The following SUCO variants were observed in gnomAD, a reference collection of about 807,000 sequenced individuals.
SUCO encodes SUN domain containing ossification factor.
In SUCO, 57 loss-of-function variants were observed where a neutral mutation model predicts 148.1. The observed-to-expected ratio is 0.38, with a 90% CI of 0.31 to 0.48. SUCO has a LOEUF of 0.48. Ranked by LOEUF, SUCO falls within the 20% of genes least tolerant of loss-of-function variation. SUCO has a pLI of 0.96. For missense variants in SUCO, 1,331 were observed against 1,468.2 expected, an observed-to-expected ratio of 0.91 and a Z score of 1.53; for synonymous variants, 470 against 502.7, an observed-to-expected ratio of 0.93 and a Z score of 0.87.
chr1:172,532,938 G>T, upstream of SUCO: 2 of 1,359,340 alleles, frequency 1.5e-6, no homozygotes, highest in Non-Finnish European at 1.9e-6. Context: ...TCCTGCCTCC[G>T]GCTTCTCCGC....
chr1:172,532,591 C>G, upstream of SUCO: 2 of 1,613,988 alleles, frequency 1.2e-6, no homozygotes, highest in Non-Finnish European at 1.7e-6. Context: ...ACACGTCATT[C>G]TAGGCCATTC....
chr1:172,590,726 T>G (rs538039235), intron 18 of SUCO, among the ~76,000 whole-genome samples: 3 of 152,194 alleles, frequency 2.0e-5, no homozygotes, highest in South Asian at 4.1e-4. Flanking sequence ...GTGTGTGTGT[T>G]CATGTGTAAC....
intron 1 of SUCO, among the ~76,000 whole-genome samples, chr1:172,546,241 T>C (rs1652846728): frequency 6.6e-6 from 1 of 152,182 alleles, no homozygotes; most frequent in Non-Finnish European, 1.5e-5. Context: ...CTGAAGCTCA[T>C]AAGTTGCCCA....
At chr1:172,599,338 T>A (rs1657347918) in intron 19 of SUCO, 1 of 445,932 alleles carries the variant, frequency 2.2e-6, no homozygotes, top group African/African-American at 2.1e-5. Context: ...CAAAAAAAAA[T>A]AAAAGTTGAA....
At chr1:172,533,555 C>A in intron 1 of SUCO, 58 bp downstream of exon 1, 1 of 1,469,510 alleles carries the variant, frequency 6.8e-7, no homozygotes. Flanking sequence ...GAGGGAGCAG[C>A]CCAGGTCACA....
chr1:172,578,629 A>C (rs1655640915), intron 14 of SUCO: 1 of 749,718 alleles, frequency 1.3e-6, no homozygotes, highest in Non-Finnish European at 1.6e-6. Flanking sequence ...CCCTTCTATA[A>C]CATTAATGGT....
intron 9 of SUCO, among the ~76,000 whole-genome samples, chr1:172,571,273 C>T (rs1244338205): frequency 2.0e-5 from 3 of 152,236 alleles, no homozygotes; most frequent in African/African-American, 7.2e-5. Context: ...GTTGGCCGGG[C>T]TGGTCTCCAG....
At chr1:172,568,474 A>G (rs532628208) in intron 6 of SUCO, 63 of 957,770 alleles carry the variant, frequency 6.6e-5, no homozygotes, top group Middle Eastern at 5.3e-4. Context: ...TGATTTATGC[A>G]TTCTGCATCT....
At chr1:172,543,127 C>A (rs1652609159) in intron 1 of SUCO, 2 of 474,044 alleles carry the variant, frequency 4.2e-6, no homozygotes, top group Non-Finnish European at 5.5e-6. Context: ...GTCTTACATG[C>A]AGCTTTGATT....
chr1:172,573,969 T>G lies in SUCO; in HGVS notation c.1128T>G (p.Pro376=), dbSNP rs755284341. 1.6e-5 allele frequency: 26 copies of G among 1,593,708 alleles called. No individual in the cohort carries two copies. In the South Asian group the frequency reaches 2.9e-4, roughly 18 times the overall value. ...ATTATGAATTATTTTCTTCTACTCC[T>G]AAAGATTTTCTGGTTTCTATCAGTG... ...IANYELFSST[P]KDFLVSISDR... Residue 376 remains proline (P), a synonymous_variant, in exon 10 of 24, where the codon CCT becomes CCG. Transcript: ENST00000263688.
rs73034056 is a variant in SUCO, at chr1:172,600,200, A to G, written c.3018+32A>G. The G allele has an allele frequency of 7.9e-4, 1,130 of 1,431,366 alleles. 3 individuals carry two copies. Among genetic ancestry groups the G allele is most frequent in the African/African-American group, 6.7e-3 (477 of 71,118 alleles). 88.7% of individuals were successfully genotyped at this position (1,431,366 alleles called of 1,614,324 possible). Reference sequence around the variant, plus strand: ...GTTATTGCTGGTATTGCGAGACCCAATGCATGTATAGAGGTTGTCATAAAG... The same window carrying G: ...GTTATTGCTGGTATTGCGAGACCCAGTGCATGTATAGAGGTTGTCATAAAG... On this transcript the variant is annotated intron_variant, in intron 20 of 23. Coordinates refer to ENST00000263688, the MANE Select transcript of SUCO (RefSeq NM_014283.5).
At chr1:172,585,783 ATTTG>A (rs1656195776) in intron 16 of SUCO, 71 bp from the exon 17 acceptor site, 3 of 1,040,796 alleles carry the variant, frequency 2.9e-6, no homozygotes, top group Admixed American at 5.3e-5. Context: ...CTTCCAAGAA[ATTTG>A]TTTTAGTAAA....
Position 172,577,521 on chromosome 1 carries a change from T to A in SUCO, c.1264-18T>A. 1.2e-6 allele frequency: 2 copies of A among 1,608,228 alleles called. No homozygotes were observed. The highest frequency in any genetic ancestry group is 1.7e-6 in the Non-Finnish European group (2 of 1,178,044). On this transcript the variant is annotated intron_variant, in intron 11 of 23. Coordinates refer to ENST00000263688, the MANE Select transcript of SUCO (RefSeq NM_014283.5). ...CTTTGGAACTGATTTCTTTTTCTTT[T>A]CCTTTCTCTTGCTTCAGATGTTCAT...
Position 172,533,163 on chromosome 1 carries a change from G to T in SUCO, c.-273G>T. ...GGCGGGGAGGATATGGGGCGGCAGT[G>T]GCGGCTGCAGGAGGCGGGCGTGGAC... On this transcript the variant is annotated 5_prime_UTR_variant, in exon 1 of 24. Coordinates refer to ENST00000263688, the MANE Select transcript of SUCO (RefSeq NM_014283.5). 1 of 1,470,918 alleles carries T rather than the reference G, an allele frequency of 6.8e-7. No individual in the cohort carries two copies. The highest frequency in any genetic ancestry group is 1.4e-5 in the South Asian group (1 of 73,440). 91.1% of individuals were successfully genotyped at this position (1,470,918 alleles called of 1,614,324 possible).
rs1336183485 is a variant in SUCO at position 172,538,461 on chromosome 1, T to G, written c.62+4964T>G. ...CAATATATAAGCTGTTTTTTCTTTT[T>G]TGAGGTGATGAATAGAGCATATTGG... On this transcript the variant is annotated intron_variant, in intron 1 of 23. Coordinates refer to ENST00000263688, the MANE Select transcript of SUCO (RefSeq NM_014283.5). 2.6e-5 allele frequency among the ~76,000 whole-genome samples: 4 copies of G among 152,180 alleles called. No homozygotes were observed. In the East Asian group the frequency reaches 7.7e-4, roughly 29 times the overall value.
intron 23 of SUCO, 52 bp downstream of exon 23, chr1:172,608,854 GAAGAA>G: frequency 8.1e-7 from 1 of 1,238,388 alleles, no homozygotes; most frequent in Non-Finnish European, 1.2e-6. Flanking sequence ...GATAATAAAT[GAAGAA>G]AAGAGGTTGA....
chr1:172,541,326 A>G lies in SUCO; in HGVS notation c.62+7829A>G, dbSNP rs1652439291. Among the ~76,000 whole-genome samples, 3 of 152,204 alleles carry G rather than the reference A, an allele frequency of 2.0e-5. No homozygotes were observed. The South Asian group carries it at 6.2e-4, about 32-fold the overall frequency. ...TTTAAATCATCTCTAGATATTTTAA[A>G]TCACCTCTAGATATTTATATGGGAG... is the stretch of plus-strand genomic sequence containing the variant. On this transcript the variant is annotated intron_variant, in intron 1 of 23. Coordinates refer to ENST00000263688, the MANE Select transcript of SUCO (RefSeq NM_014283.5).
At chr1:172,566,726 C>G (rs929472694) in intron 6 of SUCO, among the ~76,000 whole-genome samples, 21 of 152,254 alleles carry the variant, frequency 1.4e-4, no homozygotes, top group African/African-American at 4.3e-4. Flanking sequence ...TGGTAACTTC[C>G]AGGTTGCTGG....
At chr1:172,547,576 G>A (rs1438407530) in intron 1 of SUCO, among the ~76,000 whole-genome samples, 2 of 152,040 alleles carry the variant, frequency 1.3e-5, no homozygotes, top group Non-Finnish European at 2.9e-5. Flanking sequence ...TCTCACATAA[G>A]AACCATATTA....
Sources: gnomAD v4.1 joint callset for allele counts (sites outside exome capture counted in the v4.1 genomes callset) on GRCh38, gnomAD v4.1.1 for gene constraint, MANE v1.5 for transcripts, NCBI Gene and HGNC (gene_info 2026-07-23, HGNC 2026-07-21) for gene names.